Variants in VRK3 observed in about 807,000 individuals in gnomAD.
The protein encoded by VRK3 is serine/threonine-protein kinase VRK3.
A neutral mutation model predicts 60.4 loss-of-function variants in VRK3; 50 were observed. The ratio of observed to expected loss-of-function variants is 0.83; its 90% CI spans 0.66 to 1.05. The LOEUF (loss-of-function observed/expected upper bound fraction) is 1.05, where lower values mean the gene tolerates loss of function less well. Among genes scored for constraint, VRK3 ranks in the 50% least tolerant of loss-of-function variants. VRK3 has a pLI of 0.00. For missense variants in VRK3, 549 were observed against 585.3 expected (o/e 0.94, Z 0.64); for synonymous variants, 246 against 227.8 (o/e 1.08, Z -0.72).
At chr19:50,014,328 G>GCGGGTGGATCATTT (rs1445598338) in intron 3 of VRK3, among the ~76,000 whole-genome samples, 4 of 151,958 alleles carry the variant, frequency 2.6e-5, no homozygotes, top group African/African-American at 4.8e-5. Flanking sequence ...GGAGGCCGAG[G>GCGGGTGGATCATTT]CGGGTGGATC....
intron 10 of VRK3, 40 bp from the exon 11 acceptor site, chr19:49,989,811 G>A (rs367916260): frequency 1.9e-6 from 3 of 1,540,144 alleles, no homozygotes; most frequent in Non-Finnish European, 2.6e-6. Flanking sequence ...TGGAGGTTAG[G>A]AGCGTAGAAG....
chr19:50,020,024 G>T (rs945616153), intron 2 of VRK3, among the ~76,000 whole-genome samples: 8 of 151,326 alleles, frequency 5.3e-5, no homozygotes, highest in African/African-American at 1.9e-4. Context: ...CTACAGGTAT[G>T]CGCTACCACA....
intron 10 of VRK3, among the ~76,000 whole-genome samples, chr19:49,990,136 C>G (rs896096482): frequency 2.0e-5 from 3 of 152,040 alleles, no homozygotes; most frequent in Non-Finnish European, 2.9e-5. Flanking sequence ...GCACTTTACA[C>G]TTTAATAGTG....
chr19:49,985,720 T>C (rs1424538221), intron 12 of VRK3, among the ~76,000 whole-genome samples: 2 of 152,172 alleles, frequency 1.3e-5, no homozygotes, highest in Non-Finnish European at 2.9e-5. Context: ...GTCTTACTCA[T>C]TCCTGTATCC....
At chr19:49,997,674 C>T (rs1330371139) in intron 6 of VRK3, 104 bp from the exon 7 acceptor site, 7 of 1,303,574 alleles carry the variant, frequency 5.4e-6, no homozygotes, top group African/African-American at 1.5e-5. Context: ...CCAGGCTCCT[C>T]ATCAAGTCCC....
intron 5 of VRK3, among the ~76,000 whole-genome samples, chr19:50,006,976 G>A (rs961616694): frequency 1.3e-5 from 2 of 152,078 alleles, no homozygotes; most frequent in Non-Finnish European, 2.9e-5. Context: ...AACCATGCAT[G>A]GTGTTGGCCC....
At chr19:50,010,784 G>C (rs573249021) in intron 3 of VRK3, among the ~76,000 whole-genome samples, 1 of 152,226 alleles carries the variant, frequency 6.6e-6, no homozygotes, top group Admixed American at 6.5e-5. Context: ...GTGGTGGCAG[G>C]TGCCTGTAAA....
intron 1 of VRK3, among the ~76,000 whole-genome samples, chr19:50,024,404 GT>G (rs2077228236): frequency 6.6e-6 from 1 of 152,216 alleles, no homozygotes; most frequent in Non-Finnish European, 1.5e-5. Flanking sequence ...GCCAGGTGAG[GT>G]TGGCCTGCCA....
At chr19:49,977,610 G>C (rs1367118395) in intron 14 of VRK3, among the ~76,000 whole-genome samples, 1 of 152,110 alleles carries the variant, frequency 6.6e-6, no homozygotes, top group Non-Finnish European at 1.5e-5. Flanking sequence ...CCCTGGAGGA[G>C]CTGGCTGCCA....
intron 13 of VRK3, among the ~76,000 whole-genome samples, chr19:49,979,709 G>A (rs2076390710): frequency 6.6e-6 from 1 of 152,178 alleles, no homozygotes; most frequent in Non-Finnish European, 1.5e-5. Context: ...CTGGAGGGGA[G>A]TGTCACTTGG....
chr19:49,992,490 A>C (rs2076628179), intron 10 of VRK3, among the ~76,000 whole-genome samples: 1 of 152,258 alleles, frequency 6.6e-6, no homozygotes, highest in African/African-American at 2.4e-5. Context: ...TCATGCTTCC[A>C]ACAGTATATG....
chr19:50,002,051 C>G (rs1286084423), intron 5 of VRK3, among the ~76,000 whole-genome samples: 1 of 152,148 alleles, frequency 6.6e-6, no homozygotes, highest in Non-Finnish European at 1.5e-5. Context: ...CACCAGGGCT[C>G]CCCAGCCGGG....
intron 6 of VRK3, chr19:49,999,322 G>A (rs1290999270): frequency 6.6e-6 from 1 of 152,254 alleles, no homozygotes; most frequent in African/African-American, 2.4e-5. Flanking sequence ...AGCCCATAGT[G>A]ACTGACGCGA....
intron 3 of VRK3, among the ~76,000 whole-genome samples, chr19:50,015,132 G>A (rs1387589291): frequency 2.0e-5 from 3 of 152,094 alleles, no homozygotes; most frequent in Non-Finnish European, 4.4e-5. Flanking sequence ...GTCTAGGGCA[G>A]GCGGCAGGAA....
intron 12 of VRK3, 59 bp downstream of exon 12, chr19:49,988,313 G>C: frequency 6.3e-7 from 1 of 1,575,326 alleles, no homozygotes; most frequent in Non-Finnish European, 8.6e-7. Context: ...CTGGGCTTCT[G>C]TCCACCTGCA....
At chr19:50,018,807 A>G (rs2077116423) in intron 2 of VRK3, among the ~76,000 whole-genome samples, 1 of 152,168 alleles carries the variant, frequency 6.6e-6, no homozygotes, top group Non-Finnish European at 1.5e-5. Context: ...CTGGTGTCAC[A>G]AGACCAAATT....
Position 49,988,483 on chromosome 19 carries a change from C to G in VRK3, c.1106G>C (p.Arg369Pro), listed in dbSNP as rs771945391. 1 of 1,612,904 alleles carries G rather than the reference C, an allele frequency of 6.2e-7. No homozygotes were observed. Among genetic ancestry groups the G allele is most frequent in the Non-Finnish European group, 8.5e-7 (1 of 1,179,372 alleles). ...GCCCAGGCTCTGGAGGTCGCTGCGG[C>G]GGGAGGGCCCTGGGGAAGGAGGAGT... ...MDLHKGCGPSRRSDLQSLGYC... is the reference protein window; with the variant it reads ...MDLHKGCGPSPRSDLQSLGYC... The change falls in exon 12 of 15, where the codon CGC becomes CCC. Residue 369 changes from arginine to proline, a missense_variant. By Grantham distance (103) the Arg-to-Pro change is moderately radical. Coordinates refer to ENST00000316763, the MANE Select transcript of VRK3 (RefSeq NM_016440.4).
chr19:50,019,208 T>C (rs1457609176), intron 2 of VRK3: 2 of 146,252 alleles, frequency 1.4e-5, no homozygotes, highest in Non-Finnish European at 3.0e-5. Flanking sequence ...TAAACAAAAA[T>C]TTTTTCTTTT....
At chr19:50,003,932 T>C (rs1280623712) in intron 5 of VRK3, among the ~76,000 whole-genome samples, 1 of 152,208 alleles carries the variant, frequency 6.6e-6, no homozygotes, top group Non-Finnish European at 1.5e-5. Flanking sequence ...CCGGGCACAG[T>C]GCTCACGCCT....
Sources: allele counts gnomAD v4.1 joint callset (sites outside exome capture counted in the v4.1 genomes callset), GRCh38; gene constraint gnomAD v4.1.1; transcripts MANE v1.5; gene names NCBI Gene and HGNC (gene_info 2026-07-23, HGNC 2026-07-21).